AUH: variants seen among roughly 807,000 people sequenced by gnomAD.
AUH encodes the protein AU RNA binding methylglutaconyl-CoA hydratase, also known as methylglutaconyl-CoA hydratase, mitochondrial.
AUH carries 29 observed loss-of-function variants against 42.3 expected under a neutral mutation model. The observed-to-expected ratio is 0.69, with a 90% CI of 0.51 to 0.93. The LOEUF (loss-of-function observed/expected upper bound fraction) is 0.93. Among genes scored for constraint, AUH ranks in the 40% least tolerant of loss-of-function variants. The pLI is 0.00. For missense variants in AUH, 452 were observed against 438.1 expected, an observed-to-expected ratio of 1.03 and a Z score of -0.28; for synonymous variants, 174 against 166.4, an observed-to-expected ratio of 1.05 and a Z score of -0.35.
chr9:91,299,528 T>A (rs1180168718), intron 4 of AUH, among the ~76,000 whole-genome samples: 2 of 151,884 alleles, frequency 1.3e-5, no homozygotes, highest in African/African-American at 4.8e-5. Context: ...CATTTAGGGG[T>A]TGGGGGTGGG....
chr9:91,342,712 C>T (rs1831198129), intron 3 of AUH: 1 of 152,196 alleles, frequency 6.6e-6, no homozygotes, highest in African/African-American at 2.4e-5. Context: ...TCAATCATTA[C>T]TTACACAGAA....
intron 6 of AUH, among the ~76,000 whole-genome samples, chr9:91,265,570 G>A (rs934333911): frequency 1.3e-5 from 2 of 152,216 alleles, no homozygotes; most frequent in Admixed American, 1.3e-4. Flanking sequence ...GGCATATTTT[G>A]GGGGAGGGCC....
intron 3 of AUH, among the ~76,000 whole-genome samples, chr9:91,354,345 G>T (rs919423298): frequency 6.6e-6 from 1 of 152,096 alleles, no homozygotes; most frequent in Non-Finnish European, 1.5e-5. Context: ...CTGATTGTAC[G>T]AAAGTTTAAA....
intron 3 of AUH, among the ~76,000 whole-genome samples, chr9:91,344,828 A>C (rs758004293): frequency 6.6e-6 from 1 of 152,236 alleles, no homozygotes; most frequent in African/African-American, 2.4e-5. Context: ...TAAAAAACTT[A>C]AGCAAATCAA....
At chr9:91,335,620 CTTAGT>C (rs1026004010) in intron 3 of AUH, among the ~76,000 whole-genome samples, 4 of 152,114 alleles carry the variant, frequency 2.6e-5, no homozygotes, top group Non-Finnish European at 5.9e-5. Flanking sequence ...AAGGTACATG[CTTAGT>C]TTATTCATTT....
chr9:91,230,159 C>G (rs1165997199), intron 6 of AUH, among the ~76,000 whole-genome samples: 1 of 151,746 alleles, frequency 6.6e-6, no homozygotes, highest in Non-Finnish European at 1.5e-5. Flanking sequence ...TGTTTTCCAA[C>G]TTGGTTCCAT....
At chr9:91,233,028 T>C (rs898151115) in intron 6 of AUH, among the ~76,000 whole-genome samples, 2 of 152,224 alleles carry the variant, frequency 1.3e-5, no homozygotes, top group African/African-American at 2.4e-5. Context: ...TTTTCACTCA[T>C]TGAAGCATCA....
At chr9:91,284,039 A>G (rs1826198058) in intron 6 of AUH, among the ~76,000 whole-genome samples, 1 of 152,154 alleles carries the variant, frequency 6.6e-6, no homozygotes, top group Non-Finnish European at 1.5e-5. Context: ...AGCTGGAGGC[A>G]TCATGCTACC....
intron 6 of AUH, among the ~76,000 whole-genome samples, chr9:91,244,841 AT>A (rs1828708732): frequency 6.6e-6 from 1 of 152,214 alleles, no homozygotes. Context: ...GCAACAATGG[AT>A]TTACCAAGGT....
chr9:91,305,268 C>G (rs1224032465), intron 4 of AUH, among the ~76,000 whole-genome samples: 1 of 152,128 alleles, frequency 6.6e-6, no homozygotes, highest in Non-Finnish European at 1.5e-5. Context: ...TAAGGGTCAA[C>G]AATATAACTA....
intron 6 of AUH, among the ~76,000 whole-genome samples, chr9:91,260,832 T>C (rs1164559529): frequency 2.0e-5 from 3 of 152,198 alleles, no homozygotes; most frequent in Non-Finnish European, 4.4e-5. Context: ...TTTCTTTGTG[T>C]ACTCTGGTTT....
At chr9:91,303,972 A>G (rs1828020829) in intron 4 of AUH, among the ~76,000 whole-genome samples, 1 of 152,182 alleles carries the variant, frequency 6.6e-6, no homozygotes, top group Non-Finnish European at 1.5e-5. Context: ...CATTGCTGCA[A>G]ACATAATACC....
chr9:91,296,104 A>T (rs756903506), intron 5 of AUH, 27 bp from the exon 6 acceptor site: 4 of 1,601,852 alleles, frequency 2.5e-6, no homozygotes, highest in Non-Finnish European at 3.4e-6. Flanking sequence ...AAAATTAAGT[A>T]TCATCCATAT....
Position 91,353,666 on chromosome 9 carries a change from T to C in AUH, c.418+2217A>G, listed in dbSNP as rs566714571. Among the ~76,000 whole-genome samples the C allele has an allele frequency of 2.6e-5, 4 of 151,564 alleles. 1 individual carries two copies. In the East Asian group the frequency reaches 5.9e-4, roughly 22 times the overall value. ...CATCCTGGCTAATACAGTGAAACCC[T>C]GTCTCTACTAAAAATATAAAAATTA... is the stretch of plus-strand genomic sequence containing the variant. On this transcript the variant is annotated intron_variant, in intron 3 of 9. Coordinates refer to ENST00000375731, the MANE Select transcript of AUH (RefSeq NM_001698.3).
intron 3 of AUH, among the ~76,000 whole-genome samples, chr9:91,350,880 T>C (rs1361236648): frequency 6.6e-6 from 1 of 152,192 alleles, no homozygotes; most frequent in Non-Finnish European, 1.5e-5. Flanking sequence ...AATTATTTAC[T>C]TTGCATATAT....
At chr9:91,334,801 T>C (rs770477190) in intron 3 of AUH, among the ~76,000 whole-genome samples, 48 of 152,348 alleles carry the variant, frequency 3.2e-4, no homozygotes, top group South Asian at 6.2e-4. Context: ...AGTCATGATT[T>C]CAATCGTTCC....
In AUH at chr9:91,361,846, A is replaced by G. The variant is rs757419657; in HGVS notation, c.44T>C (p.Leu15Pro). The G allele has an allele frequency of 3.4e-6, 5 of 1,491,724 alleles. No individual in the cohort carries two copies. The highest frequency in any genetic ancestry group is 4.4e-6 in the Non-Finnish European group (5 of 1,126,994). 92.4% of individuals were successfully genotyped at this position (1,491,724 alleles called of 1,614,324 possible). A position where few individuals can be genotyped will look rare whatever the true frequency, so the allele number is the denominator to read the frequency against. Residue 15 changes from leucine (L) to proline (P), a missense_variant, in exon 1 of 10, where the codon CTG becomes CCG. Leu to Pro is a moderately conservative substitution (Grantham distance 98, BLOSUM62 -3). Coordinates refer to ENST00000375731, the MANE Select transcript of AUH (RefSeq NM_001698.3). ...CACCAGGCGGGCGCCGCCAGCATGC[A>G]GGGATCCCAAGGCCCCAGGTGCCGC... ...VAAAPGALGS[L>P]HAGGARLVAA...
chr9:91,344,457 T>G (rs920668889), intron 3 of AUH, among the ~76,000 whole-genome samples: 2 of 152,212 alleles, frequency 1.3e-5, no homozygotes, highest in African/African-American at 4.8e-5. Context: ...GCACACATTC[T>G]CATGATCTCC....
intron 6 of AUH, among the ~76,000 whole-genome samples, chr9:91,241,807 A>G (rs1045273426): frequency 2.6e-5 from 4 of 152,250 alleles, no homozygotes; most frequent in African/African-American, 9.6e-5. Context: ...ACTCTCTTAA[A>G]TGGTGAAAAC....
Sources: allele counts gnomAD v4.1 joint callset (sites outside exome capture counted in the v4.1 genomes callset), GRCh38; gene constraint gnomAD v4.1.1; transcripts MANE v1.5; gene names NCBI Gene and HGNC (gene_info 2026-07-23, HGNC 2026-07-21).